The following NRXN3 variants were observed in gnomAD, a reference collection of about 807,000 sequenced individuals.
The protein encoded by NRXN3 is neurexin 3, also known as neurexin III.
NRXN3 carries 32 observed loss-of-function variants against 137.6 expected under a neutral mutation model. That is an observed-to-expected ratio of 0.23 (90% CI 0.18 to 0.31). NRXN3 has a LOEUF of 0.31. NRXN3 is among the 10% of genes least tolerant of loss of function. The probability of loss-of-function intolerance (pLI) is 1.00; values close to 1 mark genes in which losing one functional copy is unlikely to be tolerated. For synonymous variants in NRXN3, 798 were observed against 784.5 expected (o/e 1.02, Z -0.29); for missense variants, 1,574 against 2,062.5 (o/e 0.76, Z 4.59).
chr14:79,750,901 G>C (rs1285011554), intron 19 of NRXN3, among the ~76,000 whole-genome samples: 1 of 152,146 alleles, frequency 6.6e-6, no homozygotes, highest in African/African-American at 2.4e-5. Flanking sequence ...CTTGCTTCTA[G>C]AGAAAGGTAT....
chr14:79,061,371 C>A (rs143215883), intron 15 of NRXN3, among the ~76,000 whole-genome samples: 1 of 152,064 alleles, frequency 6.6e-6, no homozygotes, highest in Non-Finnish European at 1.5e-5. Flanking sequence ...AGGAAGAGAT[C>A]GTCTGAGAGT....
At chr14:79,241,581 C>G (rs2074304766) in intron 15 of NRXN3, among the ~76,000 whole-genome samples, 1 of 152,152 alleles carries the variant, frequency 6.6e-6, no homozygotes, top group Admixed American at 6.5e-5. Context: ...TTATCTCCAC[C>G]TGGCCCCACC....
chr14:78,884,271 T>G (rs1256041984), intron 10 of NRXN3, among the ~76,000 whole-genome samples: 1 of 152,206 alleles, frequency 6.6e-6, no homozygotes, highest in Non-Finnish European at 1.5e-5. Flanking sequence ...TATTTTTGCT[T>G]ATTTTTTAAA....
intron 16 of NRXN3, among the ~76,000 whole-genome samples, chr14:79,524,384 C>A (rs554829805): frequency 1.3e-5 from 2 of 152,134 alleles, no homozygotes; most frequent in East Asian, 1.9e-4. Context: ...TCTAAGTGGA[C>A]CTTACTTCTC....
At chr14:79,768,947 A>G (rs1318619016) in intron 19 of NRXN3, among the ~76,000 whole-genome samples, 1 of 151,568 alleles carries the variant, frequency 6.6e-6, no homozygotes, top group Non-Finnish European at 1.5e-5. Flanking sequence ...TGGAGCTGAA[A>G]ACCAAGGCTC....
At chr14:79,168,828 T>G (rs976873421) in intron 15 of NRXN3, among the ~76,000 whole-genome samples, 21 of 152,098 alleles carry the variant, frequency 1.4e-4, no homozygotes, top group African/African-American at 4.1e-4. Flanking sequence ...TATCATGAAA[T>G]GTAATACCTA....
intron 15 of NRXN3, among the ~76,000 whole-genome samples, chr14:79,369,201 G>A (rs2094002891): frequency 6.6e-6 from 1 of 152,152 alleles, no homozygotes; most frequent in South Asian, 2.1e-4. Flanking sequence ...AATGGAACAA[G>A]CCTGGAGGCA....
At chr14:79,413,293 G>A (rs546123541) in intron 15 of NRXN3, among the ~76,000 whole-genome samples, 1 of 152,126 alleles carries the variant, frequency 6.6e-6, no homozygotes, top group Non-Finnish European at 1.5e-5. Flanking sequence ...GGATGATAAT[G>A]CTTAAGCCAG....
intron 15 of NRXN3, among the ~76,000 whole-genome samples, chr14:79,275,068 AAGC>A (rs1234363756): frequency 6.6e-6 from 1 of 152,232 alleles, no homozygotes. Flanking sequence ...TTAAATAAAT[AAGC>A]AGAAGGATGA....
rs142659200 is a variant in NRXN3, at chr14:79,709,129, G to C, written c.4014+11192G>C. The stretch of plus-strand genomic sequence containing the variant: ...CAGATTTTAATGCACGTCCGGGGTG[G>C]TATCTCAGATCGTGCACTTCTAACA... On this transcript the variant is annotated intron_variant, in intron 19 of 20. Transcript: ENST00000335750. Among the ~76,000 whole-genome samples, 51 of 152,228 alleles carry C rather than the reference G, an allele frequency of 3.4e-4. No homozygotes were observed. In the East Asian group the frequency reaches 9.5e-3, roughly 28 times the overall value.
chr14:79,245,830 C>T (rs778372823), intron 15 of NRXN3, among the ~76,000 whole-genome samples: 14 of 151,984 alleles, frequency 9.2e-5, no homozygotes, highest in Non-Finnish European at 1.8e-4. Context: ...ATAATCACTG[C>T]GATACTGTTC....
chr14:79,435,169 A>T (rs539107123), intron 15 of NRXN3, among the ~76,000 whole-genome samples: 3 of 152,318 alleles, frequency 2.0e-5, no homozygotes, highest in African/African-American at 7.2e-5. Context: ...ATGTTAAGGA[A>T]GGAAATGATT....
intron 15 of NRXN3, among the ~76,000 whole-genome samples, chr14:79,019,236 T>C (rs910534994): frequency 6.6e-6 from 1 of 152,194 alleles, no homozygotes; most frequent in Non-Finnish European, 1.5e-5. Flanking sequence ...GAGGGTGAGA[T>C]GAGGATATGC....
intron 16 of NRXN3, among the ~76,000 whole-genome samples, chr14:79,617,153 C>G (rs1402264384): frequency 6.6e-6 from 1 of 152,084 alleles, no homozygotes; most frequent in Non-Finnish European, 1.5e-5. Context: ...AGGAATTGCT[C>G]TCTGCTAAAG....
In NRXN3 at chr14:78,191,000, A is replaced by T. The variant is rs144760714; in HGVS notation, c.-704+20326A>T. On this transcript the variant is annotated intron_variant, in intron 1 of 20. Coordinates refer to ENST00000335750, the MANE Select transcript of NRXN3 (RefSeq NM_001330195.2). ...GTGACTCTCTTTTATATATGAAAGG[A>T]AATCGATTTGTTTCTAACCAGGTAA... Among the ~76,000 whole-genome samples, 1,079 of 152,228 alleles carry T rather than the reference A, an allele frequency of 7.1e-3. 7 individuals are homozygous for T. Among genetic ancestry groups the T allele is most frequent in the South Asian group, 0.013 (62 of 4,814 alleles).
At chr14:78,931,568 T>G (rs1023189544) in intron 10 of NRXN3, among the ~76,000 whole-genome samples, 8 of 152,142 alleles carry the variant, frequency 5.3e-5, no homozygotes, top group African/African-American at 1.9e-4. Context: ...AATAGTCCCA[T>G]TTTACAGATG....
At chr14:79,401,054 A>C (rs991695063) in intron 15 of NRXN3, among the ~76,000 whole-genome samples, 3 of 152,230 alleles carry the variant, frequency 2.0e-5, no homozygotes, top group African/African-American at 7.2e-5. Context: ...ACACAGGCAG[A>C]GTCAGTAGCT....
At chr14:79,475,354 C>T (rs1303206703) in intron 16 of NRXN3, among the ~76,000 whole-genome samples, 1 of 152,016 alleles carries the variant, frequency 6.6e-6, no homozygotes, top group African/African-American at 2.4e-5. Context: ...ATACAAGAGC[C>T]CTTAGACTGT....
intron 11 of NRXN3, among the ~76,000 whole-genome samples, chr14:78,964,788 G>T (rs532053855): frequency 2.6e-5 from 4 of 151,304 alleles, no homozygotes; most frequent in African/African-American, 9.7e-5. Flanking sequence ...CAGTCTCTTT[G>T]TATTTTTTTT....
Sources: allele counts gnomAD v4.1 joint callset (sites outside exome capture counted in the v4.1 genomes callset), GRCh38; gene constraint gnomAD v4.1.1; transcripts MANE v1.5; gene names NCBI Gene and HGNC (gene_info 2026-07-23, HGNC 2026-07-21).